ACAD11: variants seen among roughly 807,000 people sequenced by gnomAD.
ACAD11 encodes the protein acyl-Coenzyme A dehydrogenase family, member 11.
Under a neutral mutation model 102.2 loss-of-function variants are expected in ACAD11, and 83 were observed. The ratio of observed to expected loss-of-function variants is 0.81; its 90% confidence interval spans 0.68 to 0.97. ACAD11 has a LOEUF of 0.97. Among genes scored for constraint, ACAD11 ranks in the 50% least tolerant of loss-of-function variants. The pLI is 0.00. For missense variants in ACAD11, 901 were observed against 951.7 expected, an observed-to-expected ratio of 0.95 and a Z score of 0.70; for synonymous variants, 324 against 319.8, an observed-to-expected ratio of 1.01 and a Z score of -0.14.
intron 13 of ACAD11, among the ~76,000 whole-genome samples, chr3:132,586,108 T>C (rs1414408896): frequency 6.6e-6 from 1 of 152,106 alleles, no homozygotes; most frequent in African/African-American, 2.4e-5. Flanking sequence ...CCAATAATGA[T>C]AGACTGGATT....
intron 17 of ACAD11, among the ~76,000 whole-genome samples, chr3:132,564,592 T>C (rs2107779977): frequency 6.6e-6 from 1 of 152,334 alleles, no homozygotes; most frequent in South Asian, 2.1e-4. Flanking sequence ...GTCCTAGATC[T>C]GGAATGGAGG....
intron 11 of ACAD11, among the ~76,000 whole-genome samples, chr3:132,612,460 T>C (rs1375937739): frequency 2.0e-5 from 3 of 151,892 alleles, no homozygotes; most frequent in African/African-American, 7.3e-5. Context: ...GGGAGAAAAT[T>C]ATTGCAACCT....
At chr3:132,635,201 T>C (rs540583163) in intron 5 of ACAD11, among the ~76,000 whole-genome samples, 1 of 152,062 alleles carries the variant, frequency 6.6e-6, no homozygotes, top group South Asian at 2.1e-4. Flanking sequence ...GCAGGATGGA[T>C]GAGGTCCAGA....
intron 2 of ACAD11, 144 bp from the exon 3 acceptor site, chr3:132,642,946 C>CT (rs1412189386): frequency 1.3e-6 from 1 of 746,932 alleles, no homozygotes; most frequent in Non-Finnish European, 2.2e-6. Flanking sequence ...ATAGTAATAA[C>CT]TTCCCTAATA....
At chr3:132,628,531 G>T in intron 7 of ACAD11, 85 bp from the exon 8 acceptor site, 1 of 928,412 alleles carries the variant, frequency 1.1e-6, no homozygotes, top group Non-Finnish European at 1.6e-6. Flanking sequence ...TCAGTTATAT[G>T]TGACATTATA....
intron 11 of ACAD11, among the ~76,000 whole-genome samples, chr3:132,608,458 AAAAC>A (rs200076000): frequency 0.014 from 2,142 of 152,240 alleles, 36 homozygotes; most frequent in African/African-American, 0.029. Flanking sequence ...AAGCAAAACA[AAAAC>A]AAACAAACAA....
intron 13 of ACAD11, among the ~76,000 whole-genome samples, chr3:132,590,133 T>C (rs769792114): frequency 6.6e-6 from 1 of 152,242 alleles, no homozygotes; most frequent in Non-Finnish European, 1.5e-5. Flanking sequence ...GTTGATTCCA[T>C]TGTGAGTAGT....
intron 9 of ACAD11, among the ~76,000 whole-genome samples, chr3:132,625,837 T>C (rs1241250746): frequency 6.6e-6 from 1 of 152,168 alleles, no homozygotes. Context: ...AAAATGAGAA[T>C]GTGTTATATA....
At chr3:132,596,461 C>T (rs1242939867) in intron 13 of ACAD11, among the ~76,000 whole-genome samples, 1 of 151,992 alleles carries the variant, frequency 6.6e-6, no homozygotes, top group Non-Finnish European at 1.5e-5. Context: ...GAAAAAATGG[C>T]ATGGGTCTGA....
At chr3:132,644,016 T>G (rs1399750566) in intron 2 of ACAD11, among the ~76,000 whole-genome samples, 1 of 151,956 alleles carries the variant, frequency 6.6e-6, no homozygotes, top group Non-Finnish European at 1.5e-5. Context: ...GTTACCCAAC[T>G]TTTTTTTATC....
Position 132,560,867 on chromosome 3 carries a change from T to C in ACAD11, c.2118+234A>G, listed in dbSNP as rs114285584. ...AAAGCCTATGATTTCCCCCATTCCT[T>C]GTTGCTGTATCTTAAGAATGCTGAA... is the stretch of plus-strand genomic sequence containing the variant. On this transcript the variant is annotated intron_variant, in intron 18 of 19. Coordinates refer to ENST00000264990, the MANE Select transcript of ACAD11 (RefSeq NM_032169.5). Among the ~76,000 whole-genome samples the C allele has an allele frequency of 6.9e-3, 1,043 of 152,148 alleles. 14 individuals are homozygous for C. The highest frequency in any genetic ancestry group is 0.024 in the African/African-American group (995 of 41,546).
At chr3:132,615,705 T>C (rs1257545496) in intron 11 of ACAD11, among the ~76,000 whole-genome samples, 2 of 152,106 alleles carry the variant, frequency 1.3e-5, no homozygotes, top group Admixed American at 1.3e-4. Flanking sequence ...AGAGATAGCA[T>C]TAAGAGAAAT....
chr3:132,610,258 C>T (rs1050335256), intron 11 of ACAD11, among the ~76,000 whole-genome samples: 1 of 147,678 alleles, frequency 6.8e-6, no homozygotes, highest in Non-Finnish European at 1.5e-5. Context: ...GCACTAAATG[C>T]CCACAAGAGA....
At chr3:132,616,054 A>T (rs528550183) in intron 11 of ACAD11, among the ~76,000 whole-genome samples, 1 of 152,286 alleles carries the variant, frequency 6.6e-6, no homozygotes, top group East Asian at 1.9e-4. Flanking sequence ...CTCAACATCA[A>T]TTATACTGCC....
At chr3:132,600,044 A>T (rs1938499325) in intron 13 of ACAD11, among the ~76,000 whole-genome samples, 1 of 152,232 alleles carries the variant, frequency 6.6e-6, no homozygotes, top group African/African-American at 2.4e-5. Context: ...TTTAGTTAAA[A>T]TCTAATTAAA....
At chr3:132,593,783 G>C (rs1938183937) in intron 13 of ACAD11, among the ~76,000 whole-genome samples, 2 of 152,088 alleles carry the variant, frequency 1.3e-5, no homozygotes, top group African/African-American at 2.4e-5. Context: ...GATTCTTCAA[G>C]AACAAGGGAC....
chr3:132,617,781 C>G (rs911472029), intron 11 of ACAD11, among the ~76,000 whole-genome samples: 18 of 152,140 alleles, frequency 1.2e-4, no homozygotes, highest in Admixed American at 1.2e-3. Context: ...ATATGAGGCC[C>G]TTGCCTCTCT....
intron 5 of ACAD11, among the ~76,000 whole-genome samples, chr3:132,633,048 T>A (rs1940116415): frequency 6.6e-6 from 1 of 152,192 alleles, no homozygotes; most frequent in Admixed American, 6.5e-5. Context: ...CCTCTTTTCC[T>A]AATTGAATAC....
rs772029279 is a variant in ACAD11 at position 132,605,104 on chromosome 3, T to C, written c.1516A>G (p.Met506Val). ...AATGGTGATTGGCATTTACCTGTCATACAGAAGCAAGAGGTAATGTTCCCT... is the reference window on the plus strand; with the variant it reads ...AATGGTGATTGGCATTTACCTGTCACACAGAAGCAAGAGGTAATGTTCCCT... ...LQGNITSCFC[M>V]TEPDVASSDA... Residue 506 changes from methionine (M) to valine (V), a missense_variant, in exon 12 of 20, where the codon ATG becomes GTG. Physicochemically the swap from Met to Val is conservative, Grantham distance 21. Transcript: ENST00000264990. 4 of 1,611,912 alleles carry C rather than the reference T, an allele frequency of 2.5e-6. No individual in the cohort carries two copies. The highest frequency in any genetic ancestry group is 2.2e-5 in the South Asian group (2 of 90,910).
Sources: gnomAD v4.1 joint callset for allele counts (sites outside exome capture counted in the v4.1 genomes callset) on GRCh38, gnomAD v4.1.1 for gene constraint, MANE v1.5 for transcripts, NCBI Gene and HGNC (gene_info 2026-07-23, HGNC 2026-07-21) for gene names.